ZNF785: variants seen among roughly 807,000 people sequenced by gnomAD.
ZNF785 encodes zinc finger protein 785.
A neutral mutation model predicts 11.3 loss-of-function variants in ZNF785; 15 were observed. That is an observed-to-expected ratio of 1.32 (90% CI 0.89 to 2.04). The LOEUF is 2.04. Among genes scored for constraint, ZNF785 ranks in the 30% most tolerant of loss-of-function variants. The pLI is 0.00. For missense variants in ZNF785, 572 were observed against 560.9 expected, an observed-to-expected ratio of 1.02 and a Z score of -0.20; for synonymous variants, 221 against 231.0, an observed-to-expected ratio of 0.96 and a Z score of 0.39.
At position 30,585,053 on chromosome 16, in the gene ZNF785, G is replaced by T. The variant is rs1451772231; in HGVS notation, c.334+69C>A. 5 of 1,548,208 alleles carry T rather than the reference G, an allele frequency of 3.2e-6. No homozygotes were observed. Among genetic ancestry groups the T allele is most frequent in the East Asian group, 4.5e-5 (2 of 44,032 alleles). ...TGGGACTTTGGAGGGGGCAGCCTGC[G>T]CTGAGGATGTGAGTGAGTTGGGGGC... is the stretch of plus-strand genomic sequence containing the variant. On this transcript the variant is annotated intron_variant, in intron 2 of 2. Coordinates refer to ENST00000395216, the MANE Select transcript of ZNF785 (RefSeq NM_152458.7). This position sits in a 1 kb window ranked among gnomAD's most constrained non-coding sequence, Gnocchi z 4.0.
chr16:30,583,130 G>C lies in ZNF785; in HGVS notation c.648C>G (p.Leu216=), dbSNP rs370549514. ...QARFSQRRYL[L]QHQFIHTGEK... is the part of the protein sequence containing the mutation. ...CGCCGGTGTGGATGAACTGATGCTGGAGCAGGTACCTGCGCTGGGAGAAAC... is the reference window on the plus strand; with the variant it reads ...CGCCGGTGTGGATGAACTGATGCTGCAGCAGGTACCTGCGCTGGGAGAAAC... The change falls in exon 3 of 3, where the codon CTC becomes CTG. Residue 216 remains leucine, a synonymous_variant. Transcript: ENST00000395216. 3.7e-6 allele frequency: 6 copies of C among 1,613,982 alleles called. No homozygotes were observed. The highest frequency in any genetic ancestry group is 5.1e-6 in the Non-Finnish European group (6 of 1,180,008).
downstream of ZNF785, chr16:30,578,948 T>C (rs1370599372): frequency 6.6e-6 from 1 of 151,680 alleles, no homozygotes. Flanking sequence ...TCCCCCACCA[T>C]GCTCGGCTAA....
rs552503849 is a variant in ZNF785, at chr16:30,582,679, C to G, written c.1099G>C (p.Glu367Gln). The change falls in exon 3 of 3, where the codon GAG becomes CAG. Residue 367 changes from glutamate to glutamine, a missense_variant. By Grantham distance (29) the Glu-to-Gln change is conservative. Transcript: ENST00000395216. ...ACGGCCTGCTGCCACGCGCGCCTCT[C>G]GCTGCAGGAGCGGTGGATCCACCGA... ...AHRWIHRSCS[E>Q]RRAWQQAVVG... The G allele has an allele frequency of 3.8e-5, 62 of 1,613,988 alleles. 1 individual carries two copies. In the East Asian group the frequency reaches 1.3e-3, roughly 34 times the overall value.
At chr16:30,583,563 G>A in intron 2 of ZNF785, 120 bp from the exon 3 acceptor site, 1 of 1,380,336 alleles carries the variant, frequency 7.2e-7, no homozygotes, top group South Asian at 1.5e-5. Context: ...CAGCAGGAAT[G>A]GTTCAGAATA....
Position 30,583,228 on chromosome 16 carries a change from G to T in ZNF785, c.550C>A (p.Pro184Thr). The T allele has an allele frequency of 6.2e-7, 1 of 1,613,890 alleles. No individual in the cohort carries two copies. Among genetic ancestry groups the T allele is most frequent in the Admixed American group, 1.7e-5 (1 of 60,024 alleles). Reference sequence around the variant, plus strand: ...CGCTGGTGGCTGGCCAGGAGGGAAGGGTAGCTGAAGTTGCGGCCACAGTCT... The same window carrying T: ...CGCTGGTGGCTGGCCAGGAGGGAAGTGTAGCTGAAGTTGCGGCCACAGTCT... ...CPDCGRNFSY[P>T]SLLASHQRVH... is the part of the protein sequence containing the mutation. Residue 184 changes from proline (P) to threonine (T), a missense_variant, in exon 3 of 3, where the codon CCT becomes ACT. Transcript: ENST00000395216.
In ZNF785 at chr16:30,585,343, G is replaced by A. The variant is rs1467624901; in HGVS notation, c.205+64C>T. 6.3e-7 allele frequency: 1 copy of A among 1,576,394 alleles called. No homozygotes were observed. Among genetic ancestry groups the A allele is most frequent in the South Asian group, 1.1e-5 (1 of 87,210 alleles). ...CCCCGCTTCCAGCCCACTAGCCTCT[G>A]GGGACACCGATCACCGCTTCCCACC... On this transcript the variant is annotated intron_variant, in intron 1 of 2. Coordinates refer to ENST00000395216, the MANE Select transcript of ZNF785 (RefSeq NM_152458.7). The surrounding 1 kb of genome is among the most constrained non-coding windows in gnomAD (Gnocchi z 4.0).
downstream of ZNF785, chr16:30,578,429 A>G (rs916099594): frequency 2.6e-5 from 4 of 152,260 alleles, no homozygotes; most frequent in Admixed American, 2.0e-4. Context: ...TCAGATAATT[A>G]TGAGAAGTCA....
chr16:30,580,109 G>C (rs2051786868), downstream of ZNF785, among the ~76,000 whole-genome samples: 1 of 150,420 alleles, frequency 6.6e-6, no homozygotes, highest in Non-Finnish European at 1.5e-5. Flanking sequence ...GGATGGTCTT[G>C]ATCTCCTGAC....
chr16:30,583,347 C>T lies in ZNF785; in HGVS notation c.431G>A (p.Ser144Asn). The change falls in exon 3 of 3, where the codon AGC (serine) becomes AAC (asparagine). Residue 144 changes from serine to asparagine, a missense_variant. Ser to Asn is a conservative substitution (Grantham distance 46). Coordinates refer to ENST00000395216, the MANE Select transcript of ZNF785 (RefSeq NM_152458.7). ...HEVAVKEWWP[S>N]VACPEFCNPR... ...GTTGCAGAACTCTGGGCAGGCGACG[C>T]TGGGCCACCACTCCTTGACAGCCAC... The T allele has an allele frequency of 4.3e-6, 7 of 1,613,654 alleles. No individual in the cohort carries two copies. The highest frequency in any genetic ancestry group is 2.2e-5 in the East Asian group (1 of 44,876).
Position 30,582,883 on chromosome 16 carries a change from G to A in ZNF785, c.895C>T (p.Leu299=), listed in dbSNP as rs2051834928. 1 of 1,613,508 alleles carries A rather than the reference G, an allele frequency of 6.2e-7. No individual in the cohort carries two copies. Among genetic ancestry groups the A allele is most frequent in the African/African-American group, 1.3e-5 (1 of 74,922 alleles). Residue 299 remains leucine (L), a synonymous_variant, in exon 3 of 3, where the codon CTG becomes TTG. Coordinates refer to ENST00000395216, the MANE Select transcript of ZNF785 (RefSeq NM_152458.7). ...CSLRFAYTSL[L]AIHRRIHTGE... ...GTGTGTATGCGCCTGTGGATGGCCA[G>A]CAGGGAGGTGTAGGCGAAACGGAGG...
chr16:30,585,501 G>A lies in ZNF785; in HGVS notation c.111C>T (p.Tyr37=), dbSNP rs1373461697. Residue 37 remains tyrosine (Y), a synonymous_variant, in exon 1 of 3, where the codon TAC becomes TAT. Coordinates refer to ENST00000395216, the MANE Select transcript of ZNF785 (RefSeq NM_152458.7). This position sits in a 1 kb window ranked among gnomAD's most constrained non-coding sequence, Gnocchi z 4.0. The part of the protein sequence containing the change: ...GAVSFADVAV[Y]FSPEEWECLR... ...GGCATTCCCACTCCTCGGGAGAGAA[G>A]TACACGGCCACGTCCGCGAAGCTCA... The A allele has an allele frequency of 1.3e-6, 2 of 1,599,990 alleles. No homozygotes were observed. Among genetic ancestry groups the A allele is most frequent in the Admixed American group, 1.7e-5 (1 of 57,784 alleles).
In ZNF785 at chr16:30,585,567, C is replaced by A; in HGVS notation, c.45G>T (p.Glu15Asp). 1 of 1,550,790 alleles carries A rather than the reference C, an allele frequency of 6.4e-7. No homozygotes were observed. Among genetic ancestry groups the A allele is most frequent in the Non-Finnish European group, 8.7e-7 (1 of 1,150,482 alleles). ...TTTCCCTCGTCCTCCGGGGCCCGGCCTCCCCGGGTACGTGGGCCGGGCGCG... is the reference window on the plus strand; with the variant it reads ...TTTCCCTCGTCCTCCGGGGCCCGGCATCCCCGGGTACGTGGGCCGGGCGCG... ...LAPRPAHVPG[E>D]AGPRRTRESR... The change falls in exon 1 of 3, where the codon GAG (glutamate) becomes GAT (aspartate). Residue 15 changes from glutamate to aspartate, a missense_variant. By Grantham distance (45) the Glu-to-Asp change is conservative. Coordinates refer to ENST00000395216, the MANE Select transcript of ZNF785 (RefSeq NM_152458.7). The surrounding 1 kb of genome is among the most constrained non-coding windows in gnomAD (Gnocchi z 4.0).
In ZNF785 at chr16:30,585,097, A is replaced by C. The variant is rs113379860; in HGVS notation, c.334+25T>G. On this transcript the variant is annotated intron_variant, in intron 2 of 2. Coordinates refer to ENST00000395216, the MANE Select transcript of ZNF785 (RefSeq NM_152458.7). The surrounding 1 kb of genome is among the most constrained non-coding windows in gnomAD (Gnocchi z 4.0). ...TGGGGGCGGGGGTTGGGGCTTCTCC[A>C]CGGCTACTTATCCAAATGAAGTACC... 930 of 1,593,982 alleles carry C rather than the reference A, an allele frequency of 5.8e-4. 4 individuals carry two copies. The African/African-American group carries it at 0.011, about 19-fold the overall frequency.
At chr16:30,583,601 T>C in intron 2 of ZNF785, 158 bp from the exon 3 acceptor site, 1 of 916,406 alleles carries the variant, frequency 1.1e-6, no homozygotes, top group Non-Finnish European at 1.6e-6. Flanking sequence ...GGCTTAATGA[T>C]AGGGGCCTCA....
Position 30,581,489 on chromosome 16 carries a change from G to A in ZNF785, c.*1071C>T, listed in dbSNP as rs2051809062. 1 of 149,560 alleles carries A rather than the reference G, an allele frequency of 6.7e-6. No individual in the cohort carries two copies. 9.3% of individuals were successfully genotyped at this position (149,560 alleles called of 1,614,324 possible). A position where few individuals can be genotyped will look rare whatever the true frequency, so the allele number is the denominator to read the frequency against. ...AAAAAAAAAAAAAAAAGAATCCTCC[G>A]GCATTATATCTCCAGCTACTGTGGC... is the stretch of plus-strand genomic sequence containing the variant. On this transcript the variant is annotated 3_prime_UTR_variant, in exon 3 of 3. Transcript: ENST00000395216.
At chr16:30,580,354 A>ATT (rs59682430), downstream of ZNF785, among the ~76,000 whole-genome samples, 2 of 111,724 alleles carry the variant, frequency 1.8e-5, no homozygotes, top group Non-Finnish European at 1.8e-5. Flanking sequence ...GGCCTGGCTA[A>ATT]TTTTTTTTTT....
intron 2 of ZNF785, among the ~76,000 whole-genome samples, chr16:30,584,745 T>C (rs2051865803): frequency 6.7e-6 from 1 of 149,240 alleles, no homozygotes; most frequent in African/African-American, 2.6e-5. Context: ...AGGAAAAACA[T>C]TTCTCTTCAT....
chr16:30,582,489 C>T lies in ZNF785; in HGVS notation c.*71G>A, dbSNP rs2051823770. ...TTTCCTCAAACGCCCACTTCCTTTC[C>T]TTATCCCCCAAATACACAAACCTTG... On this transcript the variant is annotated 3_prime_UTR_variant, in exon 3 of 3. Transcript: ENST00000395216. 1.3e-6 allele frequency: 2 copies of T among 1,578,336 alleles called. No individual in the cohort carries two copies. The highest frequency in any genetic ancestry group is 1.7e-6 in the Non-Finnish European group (2 of 1,159,854).
chr16:30,583,777 A>AG (rs1477498246), intron 2 of ZNF785: 1 of 193,974 alleles, frequency 5.2e-6, no homozygotes, highest in African/African-American at 2.4e-5. Flanking sequence ...GGATCGCTTG[A>AG]GGCCAGAAAT....
Sources: allele counts gnomAD v4.1 joint callset (sites outside exome capture counted in the v4.1 genomes callset), GRCh38; gene constraint gnomAD v4.1.1; non-coding constraint Gnocchi (gnomAD v3.1); transcripts MANE v1.5; gene names NCBI Gene and HGNC (gene_info 2026-07-23, HGNC 2026-07-21).